Variants in EYS observed in about 807,000 individuals in gnomAD.
The protein encoded by EYS is EGF-like photoreceptor maintenance factor.
In EYS, 250 loss-of-function variants were observed where a neutral mutation model predicts 282.1. That is an observed-to-expected ratio of 0.89 (90% CI 0.80 to 0.98). EYS has a LOEUF of 0.98. EYS is among the 50% of genes least tolerant of loss of function. The pLI, the probability that EYS is intolerant of heterozygous loss-of-function variation, is 0.00. For missense variants in EYS, 4,016 were observed against 3,709.0 expected, an observed-to-expected ratio of 1.08 and a Z score of -2.15; for synonymous variants, 1,355 against 1,282.9, an observed-to-expected ratio of 1.06 and a Z score of -1.20.
At chr6:63,951,817 T>C in intron 35 of EYS, among the ~76,000 whole-genome samples, 1 of 152,186 alleles carries the variant, frequency 6.6e-6, no homozygotes, top group East Asian at 1.9e-4. Context: ...ATTTAGACTC[T>C]TTTTCACCAA....
At chr6:65,196,136 G>T (rs1765761073) in intron 12 of EYS, among the ~76,000 whole-genome samples, 1 of 151,814 alleles carries the variant, frequency 6.6e-6, no homozygotes, top group African/African-American at 2.4e-5. Context: ...TTGTCAGTTT[G>T]CCATAATTTT....
chr6:63,746,099 A>G (rs1433347600), intron 41 of EYS, among the ~76,000 whole-genome samples: 1 of 152,172 alleles, frequency 6.6e-6, no homozygotes, highest in Non-Finnish European at 1.5e-5. Flanking sequence ...GATACTTTCC[A>G]TCAGTACCTA....
chr6:63,969,306 A>G (rs901736064), intron 35 of EYS, among the ~76,000 whole-genome samples: 2 of 152,236 alleles, frequency 1.3e-5, no homozygotes, highest in African/African-American at 4.8e-5. Context: ...ATAATATAAA[A>G]TCAATACAGA....
intron 12 of EYS, among the ~76,000 whole-genome samples, chr6:65,158,767 T>C (rs985873843): frequency 1.3e-5 from 2 of 150,966 alleles, no homozygotes; most frequent in Non-Finnish European, 3.0e-5. Flanking sequence ...AACTGTATTA[T>C]GGTAAGTCCT....
chr6:64,063,881 C>T (rs904388189), intron 33 of EYS, among the ~76,000 whole-genome samples: 1 of 152,028 alleles, frequency 6.6e-6, no homozygotes, highest in Non-Finnish European at 1.5e-5. Context: ...AGGCACGTGC[C>T]ACCATGCCTA....
intron 11 of EYS, among the ~76,000 whole-genome samples, chr6:65,314,272 C>T (rs1769238623): frequency 6.7e-6 from 1 of 149,056 alleles, no homozygotes; most frequent in Non-Finnish European, 1.5e-5. Context: ...GATTTTTCTC[C>T]ATAGCATTCA....
At chr6:65,394,606 C>T (rs1766200043) in intron 7 of EYS, among the ~76,000 whole-genome samples, 1 of 152,060 alleles carries the variant, frequency 6.6e-6, no homozygotes, top group South Asian at 2.1e-4. Context: ...TAACTTTATG[C>T]CAACACTCAC....
In EYS at chr6:64,997,489, C is replaced by T. The variant is rs533154524; in HGVS notation, c.2259+93G>A. On this transcript the variant is annotated intron_variant, in intron 14 of 42. Transcript: ENST00000503581. ...AAGCATATGTAATATATATACTAACCTAACACACAGGCAAAAACTCACTCT... is the reference window on the plus strand; with the variant it reads ...AAGCATATGTAATATATATACTAACTTAACACACAGGCAAAAACTCACTCT... The T allele has an allele frequency of 4.1e-4, 501 of 1,213,536 alleles. 2 individuals are homozygous for T. The Middle Eastern group carries it at 5.4e-3, about 13-fold the overall frequency. 75.2% of individuals were successfully genotyped at this position (1,213,536 alleles called of 1,614,324 possible).
intron 13 of EYS, among the ~76,000 whole-genome samples, chr6:65,041,234 G>A (rs1239855651): frequency 3.3e-5 from 5 of 151,734 alleles, no homozygotes; most frequent in Admixed American, 2.6e-4. Flanking sequence ...TAGTACTTCT[G>A]TGACCCTTCC....
At chr6:64,925,332 T>A (rs10944768) in intron 15 of EYS, among the ~76,000 whole-genome samples, 61,246 of 151,968 alleles carry the variant, frequency 0.4, 12,703 homozygotes, top group East Asian at 0.54. Context: ...GAATTCTGGG[T>A]GATACAATTC....
At chr6:64,405,768 C>T (rs913372033) in intron 28 of EYS, among the ~76,000 whole-genome samples, 1 of 152,056 alleles carries the variant, frequency 6.6e-6, no homozygotes, top group Non-Finnish European at 1.5e-5. Context: ...TTCAAACTTA[C>T]AAGGATGGGA....
Position 63,721,621 on chromosome 6 carries a change from C to G in EYS, c.8410G>C (p.Val2804Leu), listed in dbSNP as rs1186708771. ...EGYLDLDGIN[V>L]TEKASTKMSS... ...ATTTTAGTGGAGGCCTTTTCTGTTA[C>G]ATTTATCCCATCTAGATCCAGGTAG... The change falls in exon 43 of 43, where the codon GTA becomes CTA. Residue 2804 changes from valine (V) to leucine (L), a missense_variant. By Grantham distance (32) the Val-to-Leu change is conservative. Coordinates refer to ENST00000503581, the MANE Select transcript of EYS (RefSeq NM_001142800.2). 6.4e-7 allele frequency: 1 copy of G among 1,551,252 alleles called. No homozygotes were observed. Among genetic ancestry groups the G allele is most frequent in the East Asian group, 2.4e-5 (1 of 40,906 alleles).
chr6:64,884,859 T>C (rs1445153485), intron 19 of EYS, among the ~76,000 whole-genome samples: 1 of 151,650 alleles, frequency 6.6e-6, no homozygotes, highest in Non-Finnish European at 1.5e-5. Flanking sequence ...TTTCTTATCT[T>C]CCACTGAACC....
intron 33 of EYS, among the ~76,000 whole-genome samples, chr6:64,065,448 GT>G (rs762472868): frequency 1.3e-5 from 2 of 152,136 alleles, no homozygotes; most frequent in Non-Finnish European, 2.9e-5. Context: ...ATTTTGTTTA[GT>G]AATGCCCCTG....
At chr6:63,973,783 A>G (rs1385623661) in intron 35 of EYS, among the ~76,000 whole-genome samples, 1 of 152,060 alleles carries the variant, frequency 6.6e-6, no homozygotes, top group Non-Finnish European at 1.5e-5. Context: ...ACCCAGATTT[A>G]TTGTCCAGTG....
chr6:64,855,402 T>G (rs559697014), intron 19 of EYS, among the ~76,000 whole-genome samples: 7 of 152,160 alleles, frequency 4.6e-5, no homozygotes, highest in Non-Finnish European at 1.0e-4. Flanking sequence ...TCTCTAGTTT[T>G]TTTCTTATTT....
chr6:64,717,251 T>C (rs534997396), intron 22 of EYS, among the ~76,000 whole-genome samples: 2 of 152,324 alleles, frequency 1.3e-5, no homozygotes, highest in Admixed American at 6.5e-5. Flanking sequence ...CAGTCACTAA[T>C]AGGGATTTGA....
chr6:65,618,113 C>A lies in EYS; in HGVS notation c.-333+21665G>T, dbSNP rs1766289340. On this transcript the variant is annotated intron_variant, in intron 2 of 42. Coordinates refer to ENST00000503581, the MANE Select transcript of EYS (RefSeq NM_001142800.2). ...AAATGGTATTTCTAGTTCTAGATCCCTGAGGAATTGCCACACTGACTTCCA... is the reference window on the plus strand; with the variant it reads ...AAATGGTATTTCTAGTTCTAGATCCATGAGGAATTGCCACACTGACTTCCA... Among the ~76,000 whole-genome samples, 6 of 152,264 alleles carry A rather than the reference C, an allele frequency of 3.9e-5. No individual in the cohort carries two copies. In the South Asian group the frequency reaches 1.2e-3, roughly 32 times the overall value.
chr6:64,231,118 C>A (rs1224022573), intron 30 of EYS, among the ~76,000 whole-genome samples: 1 of 152,074 alleles, frequency 6.6e-6, no homozygotes, highest in African/African-American at 2.4e-5. Context: ...TTAGCTGTTA[C>A]AAATCTTATG....
Sources: gnomAD v4.1 joint callset for allele counts (sites outside exome capture counted in the v4.1 genomes callset) on GRCh38, gnomAD v4.1.1 for gene constraint, MANE v1.5 for transcripts, NCBI Gene and HGNC (gene_info 2026-07-23, HGNC 2026-07-21) for gene names.